Variants in AUTS2 observed in about 807,000 individuals in gnomAD.
AUTS2 encodes activator of transcription and developmental regulator AUTS2.
AUTS2 carries 17 observed loss-of-function variants against 112.4 expected under a neutral mutation model. The ratio of observed to expected loss-of-function variants is 0.15; its 90% CI spans 0.10 to 0.23. The LOEUF (loss-of-function observed/expected upper bound fraction) is 0.23, where lower values mean the gene tolerates loss of function less well. Among genes scored for constraint, AUTS2 ranks in the 10% least tolerant of loss-of-function variants. AUTS2 has a pLI of 1.00. For synonymous variants in AUTS2, 751 were observed against 702.7 expected, an observed-to-expected ratio of 1.07 and a Z score of -1.09; for missense variants, 1,510 against 1,701.6, an observed-to-expected ratio of 0.89 and a Z score of 1.98.
chr7:70,765,473 A>G (rs1019118618), intron 8 of AUTS2, among the ~76,000 whole-genome samples: 1 of 152,110 alleles, frequency 6.6e-6, no homozygotes, highest in Non-Finnish European at 1.5e-5. Context: ...TTGTGACAAT[A>G]TATCCCAGAA....
chr7:69,760,248 C>T (rs1022206841), intron 1 of AUTS2, among the ~76,000 whole-genome samples: 6 of 146,086 alleles, frequency 4.1e-5, no homozygotes, highest in Admixed American at 1.4e-4. Context: ...TTGACCTGGC[C>T]GATCTCAAAC....
chr7:70,535,603 C>T (rs571163323), intron 5 of AUTS2, among the ~76,000 whole-genome samples: 12 of 152,050 alleles, frequency 7.9e-5, no homozygotes, highest in African/African-American at 2.2e-4. Context: ...TTAGTAGAGA[C>T]GGGGTTTCAC....
intron 5 of AUTS2, among the ~76,000 whole-genome samples, chr7:70,565,016 T>C (rs1424195579): frequency 1.3e-5 from 2 of 152,100 alleles, no homozygotes; most frequent in African/African-American, 2.4e-5. Flanking sequence ...AAGAATCGCT[T>C]GAACCCGGGA....
chr7:69,889,356 A>T (rs1372395985), intron 1 of AUTS2, among the ~76,000 whole-genome samples: 1 of 152,252 alleles, frequency 6.6e-6, no homozygotes, highest in African/African-American at 2.4e-5. Flanking sequence ...CACTGTAATA[A>T]GTACATTAAT....
At chr7:70,466,593 G>T (rs564286422) in intron 5 of AUTS2, among the ~76,000 whole-genome samples, 1 of 152,134 alleles carries the variant, frequency 6.6e-6, no homozygotes, top group Non-Finnish European at 1.5e-5. Context: ...GGTTTTCTTC[G>T]TGGACAAATA....
intron 1 of AUTS2, among the ~76,000 whole-genome samples, chr7:69,695,335 GAAA>G (rs988851058): frequency 6.6e-6 from 1 of 151,076 alleles, no homozygotes; most frequent in African/African-American, 2.4e-5. Flanking sequence ...GTATAAAAAA[GAAA>G]AAAAATTTTT....
chr7:70,331,746 A>G (rs1790761695), intron 4 of AUTS2, among the ~76,000 whole-genome samples: 1 of 152,216 alleles, frequency 6.6e-6, no homozygotes. Context: ...AGATGCAGAA[A>G]AGGCCTTCGA....
chr7:70,711,917 C>G (rs1194187224), intron 6 of AUTS2, among the ~76,000 whole-genome samples: 1 of 152,238 alleles, frequency 6.6e-6, no homozygotes, highest in Non-Finnish European at 1.5e-5. Flanking sequence ...CACATCTTCT[C>G]TGTTACCTCT....
At chr7:69,694,710 A>G (rs1398122091) in intron 1 of AUTS2, among the ~76,000 whole-genome samples, 3 of 152,232 alleles carry the variant, frequency 2.0e-5, no homozygotes, top group Admixed American at 2.0e-4. Flanking sequence ...CTTAGTGGAC[A>G]GGAGTTATCT....
chr7:69,704,314 G>A (rs936979258), intron 1 of AUTS2, among the ~76,000 whole-genome samples: 1 of 150,228 alleles, frequency 6.7e-6, no homozygotes, highest in Non-Finnish European at 1.5e-5. Context: ...GTCTCACTCT[G>A]TCGCCCAGGC....
chr7:70,296,109 G>T (rs73171785), intron 4 of AUTS2, among the ~76,000 whole-genome samples: 8 of 152,266 alleles, frequency 5.3e-5, no homozygotes, highest in Non-Finnish European at 1.2e-4. Flanking sequence ...GTGGAGACTA[G>T]AACCCATTTC....
chr7:70,376,903 T>C (rs1044805714), intron 4 of AUTS2, among the ~76,000 whole-genome samples: 2 of 151,636 alleles, frequency 1.3e-5, no homozygotes, highest in African/African-American at 4.8e-5. Flanking sequence ...GCTCTGTTAT[T>C]GCGTGTTGTT....
intron 5 of AUTS2, among the ~76,000 whole-genome samples, chr7:70,613,178 G>A (rs533878111): frequency 1.3e-5 from 2 of 152,006 alleles, no homozygotes; most frequent in South Asian, 4.2e-4. Flanking sequence ...TTAAAGACAA[G>A]CCCCAGAATA....
chr7:70,540,623 G>A (rs17141735), intron 5 of AUTS2, among the ~76,000 whole-genome samples: 9,244 of 152,180 alleles, frequency 0.061, 555 homozygotes, highest in African/African-American at 0.15. Flanking sequence ...GGTTTCCATC[G>A]ATTCATGGTA....
chr7:70,636,156 G>A (rs1010439416), intron 5 of AUTS2, among the ~76,000 whole-genome samples: 2 of 152,228 alleles, frequency 1.3e-5, no homozygotes, highest in African/African-American at 4.8e-5. Flanking sequence ...CACCATTGCA[G>A]AGAGGCATGG....
chr7:69,929,300 T>C (rs1325780613), intron 2 of AUTS2, among the ~76,000 whole-genome samples: 1 of 152,162 alleles, frequency 6.6e-6, no homozygotes, highest in Non-Finnish European at 1.5e-5. Flanking sequence ...TTCTCTCTAG[T>C]GCTGCTTTTG....
At chr7:70,506,204 TGAGAG>T (rs1183076152) in intron 5 of AUTS2, among the ~76,000 whole-genome samples, 1 of 151,756 alleles carries the variant, frequency 6.6e-6, no homozygotes, top group East Asian at 1.9e-4. Context: ...TTCCCCAGAT[TGAGAG>T]GAGAGGAGAG....
At chr7:69,787,850 C>A (rs538274075) in intron 1 of AUTS2, among the ~76,000 whole-genome samples, 6 of 139,002 alleles carry the variant, frequency 4.3e-5, no homozygotes, top group African/African-American at 1.3e-4. Flanking sequence ...GCTGGGCTTA[C>A]AGGCGTTGAG....
chr7:70,771,369 T>TTTAAG, intron 10 of AUTS2, 180 bp from the exon 11 acceptor site: 1 of 469,806 alleles, frequency 2.1e-6, no homozygotes, highest in Admixed American at 3.6e-5. Flanking sequence ...CTTTTAACTT[T>TTTAAG]TTAAGTTACA....
Sources: allele counts gnomAD v4.1 joint callset (sites outside exome capture counted in the v4.1 genomes callset), GRCh38; gene constraint gnomAD v4.1.1; transcripts MANE v1.5; gene names NCBI Gene and HGNC (gene_info 2026-07-23, HGNC 2026-07-21).